Variants in OTOGL observed in about 807,000 individuals in gnomAD.
OTOGL encodes the protein otogelin-like protein.
A neutral mutation model predicts 318.5 loss-of-function variants in OTOGL; 285 were observed. The observed-to-expected ratio is 0.89, with a 90% CI of 0.81 to 0.99. The LOEUF (loss-of-function observed/expected upper bound fraction) is 0.99, where lower values mean the gene tolerates loss of function less well. Ranked by LOEUF, OTOGL falls within the 50% of genes least tolerant of loss-of-function variation. The pLI, the probability that OTOGL is intolerant of heterozygous loss-of-function variation, is 0.00. For synonymous variants in OTOGL, 987 were observed against 936.5 expected, an observed-to-expected ratio of 1.05 and a Z score of -0.99; for missense variants, 2,899 against 2,845.6, an observed-to-expected ratio of 1.02 and a Z score of -0.43.
At chr12:80,167,592 T>G (rs887086733) in intron 1 of OTOGL, among the ~76,000 whole-genome samples, 1 of 152,176 alleles carries the variant, frequency 6.6e-6, no homozygotes, top group African/African-American at 2.4e-5. Context: ...AGAATTTTAA[T>G]TTTTTTCTTC....
chr12:80,302,381 C>T (rs1484467778), intron 27 of OTOGL, among the ~76,000 whole-genome samples: 1 of 152,214 alleles, frequency 6.6e-6, no homozygotes, highest in African/African-American at 2.4e-5. Flanking sequence ...CCACATGTAA[C>T]TGAAATATCT....
intron 32 of OTOGL, among the ~76,000 whole-genome samples, chr12:80,316,406 A>T (rs1250875926): frequency 6.6e-6 from 1 of 152,148 alleles, no homozygotes; most frequent in African/African-American, 2.4e-5. Context: ...GTGGACCCAG[A>T]AGCAGAATTT....
Position 80,305,693 on chromosome 12 carries a change from C to CAGGTAAGTT in OTOGL, c.3333_3333+8dup, listed in dbSNP as rs750888902. The CAGGTAAGTT allele has an allele frequency of 5.9e-6, 9 of 1,535,890 alleles. No individual in the cohort carries two copies. On this transcript the variant is annotated stop_gained and inframe_insertion and splice_region_variant, in exon 29 of 59. Transcript: ENST00000547103. LOFTEE classifies it high-confidence loss of function. Reference sequence around the variant, plus strand: ...ATTTGGAGATAGTTGGGCATTAGGACAGGTAAGTTACATAAATGTATTTTA... The same window carrying CAGGTAAGTT: ...ATTTGGAGATAGTTGGGCATTAGGACAGGTAAGTTAGGTAAGTTACATAAATGTATTTTA...
intron 42 of OTOGL, among the ~76,000 whole-genome samples, chr12:80,337,881 C>T (rs1592724862): frequency 6.6e-6 from 1 of 152,010 alleles, no homozygotes; most frequent in Admixed American, 6.6e-5. Flanking sequence ...TGAATGATAG[C>T]ATTTGCATAT....
chr12:80,363,344 G>A (rs1376220429), intron 52 of OTOGL, among the ~76,000 whole-genome samples: 2 of 152,130 alleles, frequency 1.3e-5, no homozygotes, highest in Admixed American at 6.6e-5. Context: ...TGGTGTTTGA[G>A]GGAGATGTTT....
At chr12:80,135,492 C>T (rs528916994) in intron 1 of OTOGL, among the ~76,000 whole-genome samples, 29 of 152,060 alleles carry the variant, frequency 1.9e-4, no homozygotes, top group African/African-American at 6.5e-4. Context: ...AGGCTGGTCT[C>T]GAACTCCTGC....
intron 44 of OTOGL, among the ~76,000 whole-genome samples, chr12:80,351,465 G>A (rs555256127): frequency 2.8e-4 from 42 of 152,100 alleles, no homozygotes; most frequent in East Asian, 1.5e-3. Flanking sequence ...ACAGGCACGC[G>A]CCACCACACC....
chr12:80,350,709 G>A (rs889449236), intron 44 of OTOGL, among the ~76,000 whole-genome samples: 5 of 152,026 alleles, frequency 3.3e-5, no homozygotes, highest in African/African-American at 1.2e-4. Context: ...CTTTTTTTGA[G>A]AAGTATCTAT....
At chr12:80,376,706 A>G (rs1006159732) in intron 57 of OTOGL, among the ~76,000 whole-genome samples, 1 of 152,072 alleles carries the variant, frequency 6.6e-6, no homozygotes, top group Non-Finnish European at 1.5e-5. Context: ...TTTTATTTTA[A>G]AATTGATGTA....
chr12:80,174,257 A>C (rs1555273591), intron 1 of OTOGL, among the ~76,000 whole-genome samples: 1 of 152,146 alleles, frequency 6.6e-6, no homozygotes, highest in Non-Finnish European at 1.5e-5. Flanking sequence ...AGGAATAAGC[A>C]GGGTTAGTCT....
chr12:80,298,116 G>T (rs914942859), intron 27 of OTOGL, among the ~76,000 whole-genome samples: 13 of 152,178 alleles, frequency 8.5e-5, no homozygotes, highest in South Asian at 2.1e-4. Flanking sequence ...TAATTATTGG[G>T]GCTACAACAG....
chr12:80,267,204 G>T, intron 21 of OTOGL, 49 bp from the exon 22 acceptor site: 1 of 1,287,770 alleles, frequency 7.8e-7, no homozygotes, highest in South Asian at 1.4e-5. Context: ...AATTTTAGTG[G>T]TTTTTGAAAA....
At chr12:80,172,084 C>A (rs990480382) in intron 1 of OTOGL, among the ~76,000 whole-genome samples, 3 of 152,048 alleles carry the variant, frequency 2.0e-5, no homozygotes, top group Non-Finnish European at 4.4e-5. Context: ...ATTTTCTAAT[C>A]CAATCTCCCT....
chr12:80,286,272 T>C (rs1448869530), intron 26 of OTOGL, among the ~76,000 whole-genome samples: 1 of 152,220 alleles, frequency 6.6e-6, no homozygotes, highest in Non-Finnish European at 1.5e-5. Flanking sequence ...GGGTTCAGTT[T>C]GCCAGTATTC....
In OTOGL at chr12:80,255,176, C is replaced by A; in HGVS notation, c.1578C>A (p.Pro526=). The A allele has an allele frequency of 6.6e-7, 1 of 1,508,308 alleles. No individual in the cohort carries two copies. The highest frequency in any genetic ancestry group is 2.4e-5 in the East Asian group (1 of 41,608). 93.4% of individuals were successfully genotyped at this position (1,508,308 alleles called of 1,614,324 possible). A position where few individuals can be genotyped will look rare whatever the true frequency, so the allele number is the denominator to read the frequency against. Residue 526 remains proline, a synonymous_variant, in exon 16 of 59, where the codon CCC becomes CCA. Coordinates refer to ENST00000547103, the MANE Select transcript of OTOGL (RefSeq NM_001378609.3). Reference sequence around the variant, plus strand: ...TCACGATTACTTTACAGAAAGCTCCCTGTGAGCAGGTAAGAACATTTCAAA... The same window carrying A: ...TCACGATTACTTTACAGAAAGCTCCATGTGAGCAGGTAAGAACATTTCAAA... The part of the protein sequence containing the change: ...DKFTITLQKA[P]CEQNLGLVCL...
chr12:80,224,266 T>C (rs1376048619), intron 7 of OTOGL, among the ~76,000 whole-genome samples: 3 of 151,830 alleles, frequency 2.0e-5, no homozygotes, highest in African/African-American at 7.2e-5. Flanking sequence ...CTGGATTCTC[T>C]GTTGTTCTAT....
chr12:80,329,380 C>T (rs553886305), intron 37 of OTOGL, among the ~76,000 whole-genome samples: 6 of 152,296 alleles, frequency 3.9e-5, no homozygotes, highest in East Asian at 3.9e-4. Context: ...CACTGGGCTA[C>T]GTGCCTCATT....
intron 50 of OTOGL, 80 bp downstream of exon 50, chr12:80,358,429 C>A: frequency 8.6e-7 from 1 of 1,160,086 alleles, no homozygotes; most frequent in Non-Finnish European, 1.2e-6. Context: ...TTGGCTGTTA[C>A]ATCAGACCCT....
At chr12:80,238,773 A>G in intron 9 of OTOGL, 78 bp from the exon 10 acceptor site, 1 of 1,312,982 alleles carries the variant, frequency 7.6e-7, no homozygotes, top group Non-Finnish European at 9.7e-7. Context: ...GTTTGTGTTG[A>G]AGAACCATGT....
Sources: allele counts gnomAD v4.1 joint callset (sites outside exome capture counted in the v4.1 genomes callset), GRCh38; gene constraint gnomAD v4.1.1; transcripts MANE v1.5; gene names NCBI Gene and HGNC (gene_info 2026-07-23, HGNC 2026-07-21).